The following DHX57 variants were observed in gnomAD, a reference collection of about 807,000 sequenced individuals.
DHX57 encodes DExH-box helicase 57, also known as putative ATP-dependent RNA helicase DHX57.
In DHX57, 105 loss-of-function variants were observed where a neutral mutation model predicts 156.2. The ratio of observed to expected loss-of-function variants is 0.67; its 90% CI spans 0.57 to 0.79. The LOEUF is 0.79. DHX57 is among the 30% of genes least tolerant of loss of function. The pLI is 0.00. For missense variants in DHX57, 1,847 were observed against 1,661.9 expected (o/e 1.11, Z -1.94); for synonymous variants, 704 against 595.6 (o/e 1.18, Z -2.65).
intron 9 of DHX57, 137 bp from the exon 10 acceptor site, chr2:38,848,539 T>C: frequency 1.2e-6 from 1 of 858,590 alleles, no homozygotes; most frequent in African/African-American, 1.7e-5. Flanking sequence ...TAGAACAATA[T>C]GTCCTGTTCT....
In DHX57 at chr2:38,854,115, T is replaced by G; in HGVS notation, c.1969A>C (p.Thr657Pro). 1 of 1,614,102 alleles carries G rather than the reference T, an allele frequency of 6.2e-7. No individual in the cohort carries two copies. The highest frequency in any genetic ancestry group is 8.5e-7 in the Non-Finnish European group (1 of 1,179,952). Residue 657 changes from threonine (T) to proline (P), a missense_variant, in exon 9 of 24, where the codon ACA becomes CCA. Physicochemically the swap from Thr to Pro is conservative, Grantham distance 38 (BLOSUM62 -1). Transcript: ENST00000457308. ...GVLLRRLEGDTALQGVSHIIV... is the reference protein window; with the variant it reads ...GVLLRRLEGDPALQGVSHIIV... Reference sequence around the variant, plus strand: ...ATATGGGAAACTCCTTGTAGAGCTGTATCTCCTTCTAGCCTTCTCAGCAGC... The same window carrying G: ...ATATGGGAAACTCCTTGTAGAGCTGGATCTCCTTCTAGCCTTCTCAGCAGC...
At chr2:38,806,535 T>C (rs775024733) in intron 22 of DHX57, 24 bp downstream of exon 22, 2 of 1,610,842 alleles carry the variant, frequency 1.2e-6, no homozygotes, top group South Asian at 2.2e-5. Flanking sequence ...CCTGTAAACA[T>C]TAAGTATACT....
In DHX57 at chr2:38,815,861, C is replaced by T. The variant is rs551025845; in HGVS notation, c.3472-206G>A. ...ACGCAAACTGGCAGGCAAACTGAAACGGTTATGCAGAAATGCAAAAATTCA... is the reference window on the plus strand; with the variant it reads ...ACGCAAACTGGCAGGCAAACTGAAATGGTTATGCAGAAATGCAAAAATTCA... On this transcript the variant is annotated intron_variant, in intron 19 of 23. Coordinates refer to ENST00000457308, the MANE Select transcript of DHX57 (RefSeq NM_198963.3). The T allele has an allele frequency of 3.0e-4, 180 of 599,542 alleles. No homozygotes were observed. The African/African-American group carries it at 3.0e-3, about 10-fold the overall frequency. The allele number at this position is 599,542 out of a possible 1,614,324, so 37.1% of individuals were successfully genotyped here.
Position 38,868,143 on chromosome 2 carries a change from A to G in DHX57, c.224+39T>C. ...GTTGTCCCATACATTAGGGGTTGAT[A>G]CCATTTCCATATTTAAACATTCAAA... is the stretch of plus-strand genomic sequence containing the variant. On this transcript the variant is annotated intron_variant, in intron 2 of 23. Coordinates refer to ENST00000457308, the MANE Select transcript of DHX57 (RefSeq NM_198963.3). 1.9e-6 allele frequency: 3 copies of G among 1,605,948 alleles called. No homozygotes were observed. In the South Asian group the frequency reaches 3.3e-5, roughly 18 times the overall value.
chr2:38,802,686 C>G, intron 23 of DHX57, 29 bp downstream of exon 23: 1 of 1,612,780 alleles, frequency 6.2e-7, no homozygotes, highest in Non-Finnish European at 8.5e-7. Flanking sequence ...TGGCCTGAGC[C>G]TCATAAAACA....
intron 13 of DHX57, among the ~76,000 whole-genome samples, chr2:38,830,958 G>A (rs970973966): frequency 7.2e-5 from 11 of 152,034 alleles, no homozygotes; most frequent in African/African-American, 2.7e-4. Context: ...AGTAGGGCTC[G>A]AGAGGCTGAG....
intron 14 of DHX57, among the ~76,000 whole-genome samples, chr2:38,827,650 T>C (rs1295394541): frequency 6.8e-6 from 1 of 147,902 alleles, no homozygotes; most frequent in African/African-American, 2.5e-5. Flanking sequence ...TTTAAGGGAG[T>C]GTTCGTTTGT....
intron 11 of DHX57, among the ~76,000 whole-genome samples, chr2:38,843,857 G>A (rs1216058388): frequency 6.6e-6 from 1 of 152,142 alleles, no homozygotes; most frequent in Non-Finnish European, 1.5e-5. Context: ...ATTGGCATAG[G>A]TAAGTGGCTC....
rs761407143 is a variant in DHX57 at position 38,868,277 on chromosome 2, A to ACCG, written c.128_129insCGG (p.Gly49dup). On this transcript the variant is annotated inframe_insertion, in exon 2 of 24. Coordinates refer to ENST00000457308, the MANE Select transcript of DHX57 (RefSeq NM_198963.3). ...TTCTGTTGCCGCCACCTCCACCACC[A>ACCG]CCACCACCGCCACCGCCACCACTCC... The ACCG allele has an allele frequency of 5.2e-6, 8 of 1,552,418 alleles. No individual in the cohort carries two copies. The African/African-American group carries it at 1.1e-4, about 21-fold the overall frequency.
chr2:38,841,286 T>C (rs1319634701), intron 12 of DHX57, among the ~76,000 whole-genome samples: 1 of 152,232 alleles, frequency 6.6e-6, no homozygotes, highest in Non-Finnish European at 1.5e-5. Flanking sequence ...GTTTGTATTA[T>C]ACTCATCTAA....
At chr2:38,860,649 A>G (rs935979136) in intron 5 of DHX57, among the ~76,000 whole-genome samples, 1 of 152,222 alleles carries the variant, frequency 6.6e-6, no homozygotes, top group African/African-American at 2.4e-5. Context: ...AAAGTAATTC[A>G]GTATACAGTA....
intron 6 of DHX57, among the ~76,000 whole-genome samples, chr2:38,857,933 G>C (rs558296078): frequency 1.3e-5 from 2 of 152,056 alleles, no homozygotes. Flanking sequence ...TTAGAGACAG[G>C]GACTCATTAT....
intron 9 of DHX57, among the ~76,000 whole-genome samples, chr2:38,848,603 G>C (rs1052637996): frequency 6.6e-6 from 1 of 152,106 alleles, no homozygotes; most frequent in African/African-American, 2.4e-5. Flanking sequence ...GAAATGCTTG[G>C]AACCAGAAGT....
intron 9 of DHX57, among the ~76,000 whole-genome samples, chr2:38,849,805 G>T (rs1177084855): frequency 6.6e-6 from 1 of 152,100 alleles, no homozygotes; most frequent in African/African-American, 2.4e-5. Context: ...CCTTCACACA[G>T]GTAGCTCCCT....
intron 19 of DHX57, 135 bp from the exon 20 acceptor site, chr2:38,815,790 A>G (rs1670518412): frequency 9.3e-7 from 1 of 1,074,092 alleles, no homozygotes; most frequent in African/African-American, 1.6e-5. Context: ...TTCCTCAGGT[A>G]TGAAGAGGAT....
At chr2:38,803,788 C>CA (rs1558350632) in intron 22 of DHX57, among the ~76,000 whole-genome samples, 1 of 143,760 alleles carries the variant, frequency 7.0e-6, no homozygotes, top group African/African-American at 2.6e-5. Context: ...CACACCCAGC[C>CA]TTTTTTTTTT....
chr2:38,868,740 G>C (rs1665207220), intron 1 of DHX57, among the ~76,000 whole-genome samples: 1 of 152,174 alleles, frequency 6.6e-6, no homozygotes, highest in South Asian at 2.1e-4. Flanking sequence ...ATGGAGAAGT[G>C]TCAAAATACA....
At position 38,862,242 on chromosome 2, in the gene DHX57, G is replaced by A. The variant is rs771662502; in HGVS notation, c.475C>T (p.Pro159Ser). The change falls in exon 4 of 24, where the codon CCC becomes TCC. Residue 159 changes from proline to serine, a missense_variant. By Grantham distance (74) the Pro-to-Ser change is moderately conservative. Coordinates refer to ENST00000457308, the MANE Select transcript of DHX57 (RefSeq NM_198963.3). ...WPAGQEPSLV[P>S]DLDPLEYAGL... ...GCATATTCCAAAGGATCCAAGTCGGGAACGAGGGAAGGTTCCTGTCCAGCT... is the reference window on the plus strand; with the variant it reads ...GCATATTCCAAAGGATCCAAGTCGGAAACGAGGGAAGGTTCCTGTCCAGCT... 5.3e-5 allele frequency: 86 copies of A among 1,613,804 alleles called. No individual in the cohort carries two copies. In the Admixed American group the frequency reaches 1.4e-3, roughly 26 times the overall value.
At chr2:38,863,213 ATTC>A (rs1673328144) in intron 3 of DHX57, 145 bp downstream of exon 3, 1 of 803,826 alleles carries the variant, frequency 1.2e-6, no homozygotes, top group African/African-American at 1.7e-5. Context: ...CTGAATAATT[ATTC>A]TTGTATTACT....
Sources: allele counts gnomAD v4.1 joint callset (sites outside exome capture counted in the v4.1 genomes callset), GRCh38; gene constraint gnomAD v4.1.1; transcripts MANE v1.5; gene names NCBI Gene and HGNC (gene_info 2026-07-23, HGNC 2026-07-21).